RNF111: variants seen among roughly 807,000 people sequenced by gnomAD.
RNF111 encodes E3 ubiquitin-protein ligase Arkadia.
A neutral mutation model predicts 95.1 loss-of-function variants in RNF111; 17 were observed. The observed-to-expected ratio is 0.18, with a 90% confidence interval of 0.12 to 0.27. RNF111 has a LOEUF of 0.27. Among genes scored for constraint, RNF111 ranks in the 10% least tolerant of loss-of-function variants. RNF111 has a pLI of 1.00. For synonymous variants in RNF111, 440 were observed against 414.8 expected (o/e 1.06, Z -0.74); for missense variants, 1,189 against 1,210.4 (o/e 0.98, Z 0.26).
chr15:59,093,817 A>G (rs901970341), intron 13 of RNF111, among the ~76,000 whole-genome samples: 27 of 152,322 alleles, frequency 1.8e-4, no homozygotes, highest in East Asian at 9.6e-4. Flanking sequence ...ATTGTCTACC[A>G]TACGACAAAT....
At chr15:59,006,550 C>A in intron 1 of RNF111, among the ~76,000 whole-genome samples, 2 of 152,166 alleles carry the variant, frequency 1.3e-5, no homozygotes, top group Admixed American at 1.3e-4. Context: ...AAGAATTGTA[C>A]AGTGAACGCC....
intron 2 of RNF111, among the ~76,000 whole-genome samples, chr15:59,043,266 C>T (rs1278917601): frequency 6.6e-6 from 1 of 151,842 alleles, no homozygotes; most frequent in Non-Finnish European, 1.5e-5. Flanking sequence ...GTGATTCTCC[C>T]ACCTCAGCCT....
At chr15:58,997,153 C>T (rs1596026548) in intron 1 of RNF111, among the ~76,000 whole-genome samples, 1 of 151,992 alleles carries the variant, frequency 6.6e-6, no homozygotes, top group East Asian at 1.9e-4. Flanking sequence ...AAAGAATGTA[C>T]AGGGAAAAAA....
intron 1 of RNF111, among the ~76,000 whole-genome samples, chr15:59,022,771 A>G (rs1480228019): frequency 6.6e-6 from 1 of 152,252 alleles, no homozygotes; most frequent in African/African-American, 2.4e-5. Context: ...CTCATTATTA[A>G]TATCAGCATA....
At chr15:59,033,447 G>C (rs1312286807) in intron 2 of RNF111, among the ~76,000 whole-genome samples, 2 of 152,170 alleles carry the variant, frequency 1.3e-5, no homozygotes, top group Non-Finnish European at 2.9e-5. Context: ...CAGGTGAGAG[G>C]AGTGTAGAAT....
intron 1 of RNF111, among the ~76,000 whole-genome samples, chr15:58,992,198 C>A (rs959792393): frequency 2.6e-5 from 4 of 152,278 alleles, no homozygotes; most frequent in Admixed American, 2.6e-4. Context: ...GAGCGCGCCA[C>A]CACGCCTGCT....
chr15:59,031,553 G>A lies in RNF111; in HGVS notation c.731G>A (p.Arg244Gln), dbSNP rs757681289. ...AGGAAGAAACGAGAAGTGTTAGCTC[G>A]AAGAAAATATGCCTTGCTACCTAGT... is the stretch of plus-strand genomic sequence containing the variant. ...MQRKKREVLARRKYALLPSSS... is the reference protein window; with the variant it reads ...MQRKKREVLAQRKYALLPSSS... The change falls in exon 2 of 14, where the codon CGA becomes CAA. Residue 244 changes from arginine (R) to glutamine (Q), a missense_variant. Around this residue, in one of 2 missense-constraint regions of RNF111, gnomAD observed 1,024 missense variants for 925.9 expected, o/e 1.11. Transcript: ENST00000348370. 2.6e-5 allele frequency: 42 copies of A among 1,614,020 alleles called. No homozygotes were observed. Among genetic ancestry groups the A allele is most frequent in the Non-Finnish European group, 3.2e-5 (38 of 1,180,030 alleles).
Position 59,081,043 on chromosome 15 carries a change from C to A in RNF111, c.2056C>A (p.Pro686Thr). The A allele has an allele frequency of 6.2e-7, 1 of 1,614,134 alleles. No individual in the cohort carries two copies. The highest frequency in any genetic ancestry group is 2.2e-5 in the East Asian group (1 of 44,886). Residue 686 changes from proline (P) to threonine (T), a missense_variant, in exon 8 of 14, where the codon CCT becomes ACT. Transcript: ENST00000348370. ...QPPPQVDYVI[P>T]HPVHAFHSQI... The stretch of plus-strand genomic sequence containing the variant: ...TCCGCCTCAAGTGGATTATGTTATT[C>A]CTCATCCTGTACATGCTTTCCATTC...
At chr15:59,077,935 G>A (rs927826514) in intron 7 of RNF111, among the ~76,000 whole-genome samples, 1 of 152,098 alleles carries the variant, frequency 6.6e-6, no homozygotes. Flanking sequence ...CAACTTGCCC[G>A]TGCTTTTAAA....
chr15:59,045,273 C>G (rs2041654041), intron 2 of RNF111, among the ~76,000 whole-genome samples: 1 of 151,696 alleles, frequency 6.6e-6, no homozygotes, highest in Non-Finnish European at 1.5e-5. Flanking sequence ...TCACTGCAAC[C>G]TCTGCCTCCC....
At chr15:59,052,218 A>G in intron 2 of RNF111, 87 bp from the exon 3 acceptor site, 1 of 1,178,410 alleles carries the variant, frequency 8.5e-7, no homozygotes, top group Non-Finnish European at 1.1e-6. Context: ...AATGAATTTC[A>G]TGGTCTTCAA....
At chr15:59,041,156 G>A (rs1023762296) in intron 2 of RNF111, among the ~76,000 whole-genome samples, 5 of 152,006 alleles carry the variant, frequency 3.3e-5, no homozygotes, top group Non-Finnish European at 5.9e-5. Flanking sequence ...TTGTTGTTAA[G>A]CTTCATCATA....
rs1486069317 is a variant in RNF111 at position 59,096,260 on chromosome 15, T to C, written c.*1360T>C. ...ATACAGGATAGCCTAATTTTATTTG[T>C]TTAAATATGCTTAATATGCCCCAGA... On this transcript the variant is annotated 3_prime_UTR_variant, in exon 14 of 14. Coordinates refer to ENST00000348370, the MANE Select transcript of RNF111 (RefSeq NM_017610.8). The C allele has an allele frequency of 2.6e-6, 1 of 391,320 alleles. No homozygotes were observed. The highest frequency in any genetic ancestry group is 4.5e-6 in the Non-Finnish European group (1 of 221,734). The allele number at this position is 391,320 out of a possible 1,614,324, so 24.2% of individuals were successfully genotyped here. A position where few individuals can be genotyped will look rare whatever the true frequency, so the allele number is the denominator to read the frequency against.
At chr15:59,028,482 C>T (rs1342615115) in intron 1 of RNF111, among the ~76,000 whole-genome samples, 1 of 152,028 alleles carries the variant, frequency 6.6e-6, no homozygotes, top group Non-Finnish European at 1.5e-5. Context: ...ATTCTAACAA[C>T]ATACTGTGAT....
rs141842662 is a variant in RNF111 at position 59,000,617 on chromosome 15, C to T, written c.-20+12549C>T. ...CCTAGCTATTCGGGAGGCTGAGGCACGAGAATTGCTTGAACTGGGAGGCAG... is the reference window on the plus strand; with the variant it reads ...CCTAGCTATTCGGGAGGCTGAGGCATGAGAATTGCTTGAACTGGGAGGCAG... On this transcript the variant is annotated intron_variant, in intron 1 of 13. Coordinates refer to ENST00000348370, the MANE Select transcript of RNF111 (RefSeq NM_017610.8). Among the ~76,000 whole-genome samples, 296 of 150,886 alleles carry T rather than the reference C, an allele frequency of 2.0e-3. 1 individual carries two copies. The highest frequency in any genetic ancestry group is 6.8e-3 in the African/African-American group (280 of 41,030).
chr15:59,040,428 C>T lies in RNF111; in HGVS notation c.880+8726C>T, dbSNP rs1005640545. On this transcript the variant is annotated intron_variant, in intron 2 of 13. Coordinates refer to ENST00000348370, the MANE Select transcript of RNF111 (RefSeq NM_017610.8). Reference sequence around the variant, plus strand: ...ACAGGTGTGATGTGAACCACCATGCCTAGCACATTTTGACTGTTTTAACAG... The same window carrying T: ...ACAGGTGTGATGTGAACCACCATGCTTAGCACATTTTGACTGTTTTAACAG... 6.6e-5 allele frequency among the ~76,000 whole-genome samples: 10 copies of T among 152,168 alleles called. 1 individual carries two copies. The highest frequency in any genetic ancestry group is 6.2e-4 in the South Asian group (3 of 4,822).
chr15:59,094,905 A>G lies in RNF111; in HGVS notation c.*5A>G, dbSNP rs544806880. ...CAGCTGCCAAGTGAAAGTTGACACC[A>G]TGTTTCAGAACTCTTGCCCTCCCTC... On this transcript the variant is annotated 3_prime_UTR_variant, in exon 14 of 14. Coordinates refer to ENST00000348370, the MANE Select transcript of RNF111 (RefSeq NM_017610.8). 2.0e-6 allele frequency: 3 copies of G among 1,519,476 alleles called. No individual in the cohort carries two copies. Among genetic ancestry groups the G allele is most frequent in the East Asian group, 2.3e-5 (1 of 44,412 alleles). The allele number at this position is 1,519,476 out of a possible 1,614,324, so 94.1% of individuals were successfully genotyped here.
At chr15:59,078,576 G>T (rs1329452328) in intron 7 of RNF111, among the ~76,000 whole-genome samples, 49 of 119,204 alleles carry the variant, frequency 4.1e-4, no homozygotes, top group African/African-American at 1.5e-3. Flanking sequence ...AAAAAAAAAA[G>T]ACCAGGCACA....
intron 10 of RNF111, among the ~76,000 whole-genome samples, chr15:59,087,014 T>C (rs1234088069): frequency 6.6e-6 from 1 of 152,178 alleles, no homozygotes; most frequent in Admixed American, 6.5e-5. Context: ...AAAATGATGA[T>C]ACACATTTGA....
Sources: allele counts gnomAD v4.1 joint callset (sites outside exome capture counted in the v4.1 genomes callset), GRCh38; gene constraint gnomAD v4.1.1; regional missense constraint gnomAD v4.1.1; transcripts MANE v1.5; gene names NCBI Gene and HGNC (gene_info 2026-07-23, HGNC 2026-07-21).